HUS1: variants seen among roughly 807,000 people sequenced by gnomAD.
HUS1 encodes the protein HUS1 checkpoint clamp component.
Under a neutral mutation model 32.6 loss-of-function variants are expected in HUS1, and 31 were observed. The ratio of observed to expected loss-of-function variants is 0.95; its 90% CI spans 0.72 to 1.28. The LOEUF (loss-of-function observed/expected upper bound fraction) is 1.28, where lower values mean the gene tolerates loss of function less well. Among genes scored for constraint, HUS1 ranks in the 50% most tolerant of loss-of-function variants. The probability of loss-of-function intolerance (pLI) is 0.00; values close to 1 mark genes in which losing one functional copy is unlikely to be tolerated. For synonymous variants in HUS1, 123 were observed against 116.6 expected (o/e 1.06, Z -0.36); for missense variants, 340 against 337.7 (o/e 1.01, Z -0.05).
At chr7:47,969,846 T>C (rs1429217264) in intron 5 of HUS1, among the ~76,000 whole-genome samples, 2 of 152,326 alleles carry the variant, frequency 1.3e-5, no homozygotes, top group East Asian at 3.9e-4. Context: ...TTTAATATTT[T>C]GTGGTTACAA....
In HUS1 at chr7:47,965,232, G is replaced by T; in HGVS notation, c.*124C>A. On this transcript the variant is annotated 3_prime_UTR_variant, in exon 8 of 8. Transcript: ENST00000258774. Reference sequence around the variant, plus strand: ...ACTTTTAGTTAAAATGTTAGAGAGGGACAAATAAGTACAGTGTGTCGATGT... The same window carrying T: ...ACTTTTAGTTAAAATGTTAGAGAGGTACAAATAAGTACAGTGTGTCGATGT... 1 of 636,418 alleles carries T rather than the reference G, an allele frequency of 1.6e-6. No homozygotes were observed. Among genetic ancestry groups the T allele is most frequent in the Non-Finnish European group, 2.9e-6 (1 of 350,774 alleles). The allele number at this position is 636,418 out of a possible 1,614,324, so 39.4% of individuals were successfully genotyped here. A position where few individuals can be genotyped will look rare whatever the true frequency, so the allele number is the denominator to read the frequency against.
chr7:47,979,334 C>T, intron 1 of HUS1, 134 bp downstream of exon 1: 1 of 823,954 alleles, frequency 1.2e-6, no homozygotes, highest in South Asian at 1.6e-5. Context: ...TACACCAGCA[C>T]CCCCATCCCG....
intron 7 of HUS1, among the ~76,000 whole-genome samples, chr7:47,965,806 C>T (rs1490467298): frequency 6.6e-6 from 1 of 152,138 alleles, no homozygotes; most frequent in Admixed American, 6.5e-5. Flanking sequence ...CCAGGATCCC[C>T]CAACACCTGG....
chr7:47,971,640 T>C, intron 5 of HUS1: 1 of 444,916 alleles, frequency 2.2e-6, no homozygotes, highest in Non-Finnish European at 4.5e-6. Context: ...CTTTTTGATG[T>C]TGATATCTGC....
chr7:47,979,505 G>T lies in HUS1; in HGVS notation c.15C>A (p.Ala5=), dbSNP rs754991106. MKFR[A]KIVDGACLNH... ...TCAGACAGGCCCCGTCCACGATCTTGGCCCGAAACTTCATGGCCGCGGATG... is the reference window on the plus strand; with the variant it reads ...TCAGACAGGCCCCGTCCACGATCTTTGCCCGAAACTTCATGGCCGCGGATG... The change falls in exon 1 of 8, where the codon GCC becomes GCA. Residue 5 remains alanine (A), a synonymous_variant. Coordinates refer to ENST00000258774, the MANE Select transcript of HUS1 (RefSeq NM_004507.4). 6.2e-7 allele frequency: 1 copy of T among 1,612,626 alleles called. No individual in the cohort carries two copies. Among genetic ancestry groups the T allele is most frequent in the Non-Finnish European group, 8.5e-7 (1 of 1,179,924 alleles).
chr7:47,969,254 G>GT lies in HUS1; in HGVS notation c.604dup (p.Thr202AsnfsTer5). ...ATTTCCAAGATCTTTAAAATGAGTT[G>GT]TAACACATACTAATTCAGTTTCTAT... On this transcript the variant is annotated frameshift_variant, in exon 6 of 8. Transcript: ENST00000258774. LOFTEE classifies it high-confidence loss of function. 3 of 1,587,910 alleles carry GT rather than the reference G, an allele frequency of 1.9e-6. No individual in the cohort carries two copies. Among genetic ancestry groups the GT allele is most frequent in the East Asian group, 2.2e-5 (1 of 44,686 alleles).
In HUS1 at chr7:47,978,337, T is replaced by C. The variant is rs1788750313; in HGVS notation, c.357+80A>G. On this transcript the variant is annotated intron_variant, in intron 3 of 7. Coordinates refer to ENST00000258774, the MANE Select transcript of HUS1 (RefSeq NM_004507.4). The stretch of plus-strand genomic sequence containing the variant: ...CCAAACAGCTTTCAACAGTATTTAT[T>C]GTTAAAAAGGCTAGGCTAACTATGT... 4.9e-6 allele frequency: 6 copies of C among 1,224,390 alleles called. No homozygotes were observed. The African/African-American group carries it at 9.1e-5, about 18-fold the overall frequency. 75.8% of individuals were successfully genotyped at this position (1,224,390 alleles called of 1,614,324 possible). A position where few individuals can be genotyped will look rare whatever the true frequency, so the allele number is the denominator to read the frequency against.
chr7:47,976,989 A>G (rs1291060872), intron 3 of HUS1, 152 bp from the exon 4 acceptor site: 15 of 588,726 alleles, frequency 2.5e-5, no homozygotes, highest in East Asian at 1.1e-4. Flanking sequence ...ACCAATATTG[A>G]TGGTGCCAAT....
Position 47,978,503 on chromosome 7 carries a change from C to T in HUS1, c.271G>A (p.Ala91Thr). The change falls in exon 3 of 8, where the codon GCC becomes ACC. Residue 91 changes from alanine to threonine, a missense_variant. Physicochemically the swap from Ala to Thr is moderately conservative, Grantham distance 58 (BLOSUM62 0). Transcript: ENST00000258774. ...CTGGCATTCTGGGCAGTCTTCAAGG[C>T]TCGAGATAAGTTTTCCGATGTTAGC... The part of the protein sequence containing the change: ...LELTSENLSR[A>T]LKTAQNARAL... 1 of 1,614,210 alleles carries T rather than the reference C, an allele frequency of 6.2e-7. No homozygotes were observed. The highest frequency in any genetic ancestry group is 8.5e-7 in the Non-Finnish European group (1 of 1,180,020).
chr7:47,972,186 T>C (rs887527238), intron 5 of HUS1, among the ~76,000 whole-genome samples: 1 of 152,238 alleles, frequency 6.6e-6, no homozygotes, highest in African/African-American at 2.4e-5. Context: ...ACACATGACC[T>C]TAGCTCATTT....
Position 47,965,098 on chromosome 7 carries a change from G to C in HUS1, c.*258C>G. On this transcript the variant is annotated 3_prime_UTR_variant, in exon 8 of 8. Transcript: ENST00000258774. ...CATCAATGAGAAATTGTTCTTTAAA[G>C]TCTGAATAAATAAATTCTAGCTTTT... The C allele has an allele frequency of 2.9e-6, 1 of 341,150 alleles. No homozygotes were observed. Among genetic ancestry groups the C allele is most frequent in the Non-Finnish European group, 5.5e-6 (1 of 182,442 alleles). The allele number at this position is 341,150 out of a possible 1,614,324, so 21.1% of individuals were successfully genotyped here.
intron 7 of HUS1, 136 bp from the exon 8 acceptor site, chr7:47,965,574 A>G: frequency 1.6e-6 from 1 of 623,784 alleles, no homozygotes; most frequent in Admixed American, 2.3e-5. Context: ...TGCAGAGACC[A>G]CAGTCTCTCA....
intron 7 of HUS1, 36 bp from the exon 8 acceptor site, chr7:47,965,474 T>C: frequency 7.1e-7 from 1 of 1,409,940 alleles, no homozygotes. Context: ...AGAGACCTAG[T>C]GCAGCACACA....
intron 7 of HUS1, among the ~76,000 whole-genome samples, chr7:47,966,526 T>C (rs903241768): frequency 2.6e-5 from 4 of 152,138 alleles, no homozygotes; most frequent in Non-Finnish European, 5.9e-5. Context: ...ACACCCTGTG[T>C]TTCCACACTC....
intron 7 of HUS1, among the ~76,000 whole-genome samples, chr7:47,966,963 C>G (rs1788491928): frequency 6.6e-6 from 1 of 152,188 alleles, no homozygotes; most frequent in African/African-American, 2.4e-5. Flanking sequence ...CATTGCCCCT[C>G]CCATGGTCTC....
intron 3 of HUS1, among the ~76,000 whole-genome samples, chr7:47,977,044 G>A (rs1258972945): frequency 8.7e-6 from 1 of 115,606 alleles, no homozygotes; most frequent in Non-Finnish European, 2.0e-5. Context: ...TGGGAAGTGT[G>A]GTGATAAGAC....
intron 5 of HUS1, among the ~76,000 whole-genome samples, chr7:47,972,330 G>A (rs143197236): frequency 5.3e-4 from 80 of 152,282 alleles, no homozygotes; most frequent in Non-Finnish European, 9.9e-4. Context: ...AGGCTTAAAT[G>A]TTCTCTTGTG....
chr7:47,978,288 A>C, intron 3 of HUS1, 129 bp downstream of exon 3: 1 of 783,158 alleles, frequency 1.3e-6, no homozygotes, highest in Non-Finnish European at 2.0e-6. Flanking sequence ...ATAGTTATGG[A>C]CCAGATCTTT....
intron 7 of HUS1, 139 bp from the exon 8 acceptor site, chr7:47,965,577 G>C (rs901378708): frequency 1.3e-5 from 8 of 623,912 alleles, no homozygotes; most frequent in Middle Eastern, 2.6e-4. Flanking sequence ...AGAGACCACA[G>C]TCTCTCACTC....
Sources: allele counts gnomAD v4.1 joint callset (sites outside exome capture counted in the v4.1 genomes callset), GRCh38; gene constraint gnomAD v4.1.1; transcripts MANE v1.5; gene names NCBI Gene and HGNC (gene_info 2026-07-23, HGNC 2026-07-21).